PLCH1: variants seen among roughly 807,000 people sequenced by gnomAD.
The protein encoded by PLCH1 is 1-phosphatidylinositol 4,5-bisphosphate phosphodiesterase eta-1.
In PLCH1, 60 loss-of-function variants were observed where a neutral mutation model predicts 126.7. The observed-to-expected ratio is 0.47, with a 90% confidence interval of 0.38 to 0.59. PLCH1 has a LOEUF of 0.59. Ranked by LOEUF, PLCH1 falls within the 20% of genes least tolerant of loss-of-function variation. The probability of loss-of-function intolerance (pLI) is 0.00; values close to 1 mark genes in which losing one functional copy is unlikely to be tolerated. For missense variants in PLCH1, 1,723 were observed against 2,040.0 expected, an observed-to-expected ratio of 0.84 and a Z score of 2.99; for synonymous variants, 719 against 734.9, an observed-to-expected ratio of 0.98 and a Z score of 0.35.
chr3:155,544,854 A>G (rs1278487317), intron 10 of PLCH1, among the ~76,000 whole-genome samples: 1 of 151,660 alleles, frequency 6.6e-6, no homozygotes, highest in Non-Finnish European at 1.5e-5. Flanking sequence ...ATAAAGACAC[A>G]ACATACCAGA....
chr3:155,582,595 T>C (rs754362238), intron 6 of PLCH1, among the ~76,000 whole-genome samples: 68 of 152,138 alleles, frequency 4.5e-4, no homozygotes, highest in Non-Finnish European at 8.5e-4. Flanking sequence ...TATTTGATGA[T>C]TTTTTACAAT....
At chr3:155,478,595 A>G (rs1713649971), downstream of PLCH1, among the ~76,000 whole-genome samples, 1 of 152,216 alleles carries the variant, frequency 6.6e-6, no homozygotes, top group South Asian at 2.1e-4. Context: ...ATTTAAATTC[A>G]ATATTAACCA....
At chr3:155,534,292 A>T (rs1723062686) in intron 10 of PLCH1, among the ~76,000 whole-genome samples, 5 of 152,204 alleles carry the variant, frequency 3.3e-5, no homozygotes, top group Admixed American at 3.3e-4. Context: ...TGGATCTGAG[A>T]CATAGAATCA....
At chr3:155,674,140 G>C (rs1487699351) in intron 2 of PLCH1, among the ~76,000 whole-genome samples, 1 of 152,140 alleles carries the variant, frequency 6.6e-6, no homozygotes, top group African/African-American at 2.4e-5. Context: ...GCTTGCTCCT[G>C]CTTCTAGTTT....
At chr3:155,687,862 C>T (rs1258337088) in intron 2 of PLCH1, among the ~76,000 whole-genome samples, 1 of 152,152 alleles carries the variant, frequency 6.6e-6, no homozygotes, top group African/African-American at 2.4e-5. Context: ...GGTCATTCAC[C>T]TATGGTTTTG....
chr3:155,629,758 C>T (rs1323859459), intron 2 of PLCH1, among the ~76,000 whole-genome samples: 1 of 152,176 alleles, frequency 6.6e-6, no homozygotes, highest in Admixed American at 6.5e-5. Context: ...CCAAACTCCT[C>T]GCCAGGGGCC....
intron 1 of PLCH1, among the ~76,000 whole-genome samples, chr3:155,728,981 C>G (rs772236267): frequency 6.6e-6 from 1 of 152,192 alleles, no homozygotes; most frequent in South Asian, 2.1e-4. Flanking sequence ...ATTTAATCAA[C>G]TTGTGCGTAG....
Position 155,630,131 on chromosome 3 carries a change from T to C in PLCH1, c.80-33753A>G, listed in dbSNP as rs950608730. Reference sequence around the variant, plus strand: ...TGCCTGCCACACAGCAGTAACTACATACATTTTTGTTCACTGGACTAATGA... The same window carrying C: ...TGCCTGCCACACAGCAGTAACTACACACATTTTTGTTCACTGGACTAATGA... On this transcript the variant is annotated intron_variant, in intron 2 of 22. Transcript: ENST00000460012. Among the ~76,000 whole-genome samples, 4 of 152,340 alleles carry C rather than the reference T, an allele frequency of 2.6e-5. No homozygotes were observed. The South Asian group carries it at 6.2e-4, about 24-fold the overall frequency.
rs559262931 is a variant in PLCH1 at position 155,564,774 on chromosome 3, T to C, written c.1069+141A>G. The C allele has an allele frequency of 1.3e-3, 740 of 586,518 alleles. 23 individuals carry two copies. The South Asian group carries it at 0.017, about 13-fold the overall frequency. 36.3% of individuals were successfully genotyped at this position (586,518 alleles called of 1,614,324 possible). The stretch of plus-strand genomic sequence containing the variant: ...AGCCAGAGAGAATTATGAGTTAAGA[T>C]TGACTTTACAATGAGCAGAAAAGTA... On this transcript the variant is annotated intron_variant, in intron 8 of 22. Transcript: ENST00000460012.
intron 10 of PLCH1, among the ~76,000 whole-genome samples, chr3:155,538,202 G>A (rs78588425): frequency 0.014 from 2,057 of 152,154 alleles, 47 homozygotes; most frequent in African/African-American, 0.047. Context: ...TGAACTGAAC[G>A]ATAATAGTGA....
chr3:155,574,652 C>T (rs146654081), intron 6 of PLCH1, among the ~76,000 whole-genome samples: 3 of 152,260 alleles, frequency 2.0e-5, no homozygotes, highest in Non-Finnish European at 4.4e-5. Flanking sequence ...AAGACAACCA[C>T]GGTAACTATT....
intron 2 of PLCH1, among the ~76,000 whole-genome samples, chr3:155,605,132 T>C (rs886304888): frequency 3.9e-5 from 6 of 152,218 alleles, no homozygotes; most frequent in Non-Finnish European, 8.8e-5. Flanking sequence ...CTGGGGAGCA[T>C]GACCCTGTGA....
At chr3:155,742,945 C>G (rs1001514223) in intron 1 of PLCH1, 1 of 209,304 alleles carries the variant, frequency 4.8e-6, no homozygotes, top group Admixed American at 5.4e-5. Context: ...AGACAGTACT[C>G]ACGTATTACT....
At chr3:155,486,525 T>TG (rs1715165194) in intron 21 of PLCH1, among the ~76,000 whole-genome samples, 1 of 147,116 alleles carries the variant, frequency 6.8e-6, no homozygotes, top group African/African-American at 2.5e-5. Context: ...TTTTTTTTTT[T>TG]TTTTTTTTTT....
intron 1 of PLCH1, among the ~76,000 whole-genome samples, chr3:155,723,780 C>T (rs7638454): frequency 3.3e-5 from 5 of 151,668 alleles, no homozygotes. Context: ...ATGGTGAAAC[C>T]CTGGCTCTAC....
chr3:155,487,957 T>G (rs1294449897), intron 21 of PLCH1, 71 bp downstream of exon 21: 1 of 976,872 alleles, frequency 1.0e-6, no homozygotes, highest in Non-Finnish European at 1.6e-6. Context: ...ATTCCTATTA[T>G]GCAATTAATC....
At chr3:155,690,993 C>A (rs921715503) in intron 2 of PLCH1, among the ~76,000 whole-genome samples, 1 of 152,192 alleles carries the variant, frequency 6.6e-6, no homozygotes, top group East Asian at 1.9e-4. Context: ...CCACACTCAG[C>A]CTAAGGGCAA....
chr3:155,594,294 A>AG, intron 3 of PLCH1, 110 bp from the exon 4 acceptor site: 4 of 1,039,160 alleles, frequency 3.8e-6, no homozygotes, highest in Non-Finnish European at 5.6e-6. Context: ...AATAAGTATG[A>AG]GGCTGGGTGC....
chr3:155,664,653 A>G (rs1742533530), intron 2 of PLCH1, among the ~76,000 whole-genome samples: 1 of 152,222 alleles, frequency 6.6e-6, no homozygotes, highest in Non-Finnish European at 1.5e-5. Flanking sequence ...AACTCTTGGT[A>G]TTCAGGTACA....
Sources: gnomAD v4.1 joint callset for allele counts (sites outside exome capture counted in the v4.1 genomes callset) on GRCh38, gnomAD v4.1.1 for gene constraint, MANE v1.5 for transcripts, NCBI Gene and HGNC (gene_info 2026-07-23, HGNC 2026-07-21) for gene names.